The following SNTG1 variants were observed in gnomAD, a reference collection of about 807,000 sequenced individuals.
SNTG1 encodes syntrophin gamma 1, also known as gamma-1-syntrophin.
A neutral mutation model predicts 74.7 loss-of-function variants in SNTG1; 39 were observed. The ratio of observed to expected loss-of-function variants is 0.52; its 90% CI spans 0.40 to 0.68. The LOEUF (loss-of-function observed/expected upper bound fraction) is 0.68. Among genes scored for constraint, SNTG1 ranks in the 30% least tolerant of loss-of-function variants. The pLI is 0.00. For synonymous variants in SNTG1, 254 were observed against 217.1 expected (o/e 1.17, Z -1.49); for missense variants, 685 against 609.5 (o/e 1.12, Z -1.30).
rs1261416765 is a variant in SNTG1, at chr8:50,190,959, C to T, written c.-28+18324C>T. 2.0e-5 allele frequency among the ~76,000 whole-genome samples: 3 copies of T among 152,110 alleles called. 1 individual carries two copies. Among genetic ancestry groups the T allele is most frequent in the Admixed American group, 1.3e-4 (2 of 15,258 alleles). On this transcript the variant is annotated intron_variant, in intron 2 of 18. Coordinates refer to ENST00000642720, the MANE Select transcript of SNTG1 (RefSeq NM_018967.5). ...GTGCAATTATGCTACAAACAGCTTG[C>T]CTTTCATTGCCATAAATTATGCCGG... is the stretch of plus-strand genomic sequence containing the variant.
chr8:50,748,383 C>CTACTT (rs1301287323), intron 17 of SNTG1, among the ~76,000 whole-genome samples: 1 of 151,956 alleles, frequency 6.6e-6, no homozygotes, highest in African/African-American at 2.4e-5. Context: ...TCATTAGAAA[C>CTACTT]TCTGCTTAAA....
intron 1 of SNTG1, among the ~76,000 whole-genome samples, chr8:50,027,622 C>T (rs1817380404): frequency 6.6e-6 from 1 of 152,134 alleles, no homozygotes; most frequent in Non-Finnish European, 1.5e-5. Flanking sequence ...GGCAAGGGGG[C>T]ATTCTTCGTT....
intron 1 of SNTG1, among the ~76,000 whole-genome samples, chr8:49,954,516 A>T (rs761091985): frequency 6.6e-6 from 1 of 152,192 alleles, no homozygotes; most frequent in Non-Finnish European, 1.5e-5. Context: ...ACTCAAAAGC[A>T]ATACTTGAAA....
intron 1 of SNTG1, among the ~76,000 whole-genome samples, chr8:50,012,666 G>A (rs1238071725): frequency 2.0e-5 from 3 of 152,242 alleles, no homozygotes; most frequent in East Asian, 3.9e-4. Flanking sequence ...AGAGGTGCCT[G>A]CTATGCCATG....
At chr8:50,433,872 A>G (rs1422421235) in intron 4 of SNTG1, among the ~76,000 whole-genome samples, 4 of 152,184 alleles carry the variant, frequency 2.6e-5, no homozygotes. Flanking sequence ...AGCTATAAGT[A>G]CACATAGTAG....
intron 13 of SNTG1, among the ~76,000 whole-genome samples, chr8:50,632,193 C>A (rs1057304447): frequency 5.9e-5 from 9 of 151,690 alleles, no homozygotes; most frequent in African/African-American, 2.2e-4. Flanking sequence ...ACATTCTAGC[C>A]TTAAAGGATG....
chr8:50,341,297 G>A (rs1336417847), intron 2 of SNTG1, among the ~76,000 whole-genome samples: 1 of 151,812 alleles, frequency 6.6e-6, no homozygotes, highest in Non-Finnish European at 1.5e-5. Context: ...TCAAACATGG[G>A]ACAAATAAGA....
At chr8:49,979,824 G>A (rs563713450) in intron 1 of SNTG1, among the ~76,000 whole-genome samples, 1 of 152,338 alleles carries the variant, frequency 6.6e-6, no homozygotes, top group South Asian at 2.1e-4. Flanking sequence ...GTTTACAGCT[G>A]TGCGTGCGTG....
chr8:50,601,356 T>A (rs1180074643), intron 13 of SNTG1, among the ~76,000 whole-genome samples: 1 of 152,004 alleles, frequency 6.6e-6, no homozygotes, highest in African/African-American at 2.4e-5. Context: ...GTTTTTCAAT[T>A]TCCCTCTTAA....
chr8:50,443,929 C>T (rs2093381706), intron 5 of SNTG1, among the ~76,000 whole-genome samples: 1 of 151,804 alleles, frequency 6.6e-6, no homozygotes, highest in South Asian at 2.1e-4. Context: ...AGGTCAGGAG[C>T]TTGAGACCAG....
intron 2 of SNTG1, among the ~76,000 whole-genome samples, chr8:50,359,848 T>C (rs1587305364): frequency 6.6e-6 from 1 of 152,208 alleles, no homozygotes; most frequent in African/African-American, 2.4e-5. Context: ...ATTTCACATT[T>C]AAGCTTCTAG....
chr8:50,027,819 T>C (rs536614233), intron 1 of SNTG1, among the ~76,000 whole-genome samples: 2 of 152,310 alleles, frequency 1.3e-5, no homozygotes, highest in Non-Finnish European at 2.9e-5. Flanking sequence ...AAGAAGTACA[T>C]TGATTTTTGT....
chr8:50,694,396 A>T (rs2095395650), intron 15 of SNTG1, among the ~76,000 whole-genome samples: 1 of 152,150 alleles, frequency 6.6e-6, no homozygotes, highest in Non-Finnish European at 1.5e-5. Flanking sequence ...CTGAAAAAAT[A>T]AAAATGTGAA....
intron 1 of SNTG1, among the ~76,000 whole-genome samples, chr8:49,968,095 A>T (rs1811316383): frequency 6.6e-6 from 1 of 152,172 alleles, no homozygotes. Flanking sequence ...TCTGCAAGTA[A>T]ATACAATGGT....
chr8:50,391,136 C>T (rs1479040174), intron 2 of SNTG1, among the ~76,000 whole-genome samples: 1 of 152,124 alleles, frequency 6.6e-6, no homozygotes, highest in Non-Finnish European at 1.5e-5. Context: ...AGAGGACATC[C>T]CTGTCTTGTG....
chr8:50,706,273 A>G (rs1478679619), intron 16 of SNTG1, among the ~76,000 whole-genome samples: 2 of 152,324 alleles, frequency 1.3e-5, no homozygotes, highest in South Asian at 2.1e-4. Context: ...AATAGATATT[A>G]TATCAAAAAT....
chr8:50,437,551 C>A lies in SNTG1; in HGVS notation c.163-992C>A, dbSNP rs148081635. On this transcript the variant is annotated intron_variant, in intron 4 of 18. Transcript: ENST00000642720. The stretch of plus-strand genomic sequence containing the variant: ...GAACAAGAGAATGAGGGAAGCAATT[C>A]ATCTGTAAGAAAGAGGGCAGTATTT... Among the ~76,000 whole-genome samples the A allele has an allele frequency of 3.5e-3, 527 of 152,218 alleles. 3 individuals carry two copies. Among genetic ancestry groups the A allele is most frequent in the African/African-American group, 0.012 (507 of 41,550 alleles).
At chr8:50,451,034 A>G (rs2093452114) in intron 8 of SNTG1, among the ~76,000 whole-genome samples, 1 of 152,142 alleles carries the variant, frequency 6.6e-6, no homozygotes, top group African/African-American at 2.4e-5. Flanking sequence ...ATACATCTCT[A>G]AATCTCTGTA....
At chr8:50,047,006 A>G (rs1257122715) in intron 1 of SNTG1, among the ~76,000 whole-genome samples, 1 of 152,152 alleles carries the variant, frequency 6.6e-6, no homozygotes, top group East Asian at 1.9e-4. Flanking sequence ...CTACATTCCA[A>G]AATTCTTACT....
Sources: gnomAD v4.1 joint callset for allele counts (sites outside exome capture counted in the v4.1 genomes callset) on GRCh38, gnomAD v4.1.1 for gene constraint, MANE v1.5 for transcripts, NCBI Gene and HGNC (gene_info 2026-07-23, HGNC 2026-07-21) for gene names.